Variants in RPRD2 observed in about 807,000 individuals in gnomAD.
The protein encoded by RPRD2 is regulation of nuclear pre-mRNA domain containing 2.
In RPRD2, 12 loss-of-function variants were observed where a neutral mutation model predicts 104.4. The ratio of observed to expected loss-of-function variants is 0.11; its 90% confidence interval spans 0.07 to 0.19. The LOEUF (loss-of-function observed/expected upper bound fraction) is 0.19. RPRD2 is among the 10% of genes least tolerant of loss of function. The probability of loss-of-function intolerance (pLI) is 1.00; values close to 1 mark genes in which losing one functional copy is unlikely to be tolerated. For missense variants in RPRD2, 1,543 were observed against 1,790.1 expected (o/e 0.86, Z 2.49); for synonymous variants, 714 against 684.9 (o/e 1.04, Z -0.66).
intron 1 of RPRD2, among the ~76,000 whole-genome samples, chr1:150,389,148 C>T (rs1178244146): frequency 6.6e-6 from 1 of 152,054 alleles, no homozygotes; most frequent in Non-Finnish European, 1.5e-5. Flanking sequence ...GCAATCCTCC[C>T]ACCTCAGACT....
chr1:150,406,994 C>T (rs935164092), intron 1 of RPRD2, among the ~76,000 whole-genome samples: 2 of 152,320 alleles, frequency 1.3e-5, no homozygotes, highest in Admixed American at 1.3e-4. Context: ...GGATTACAGG[C>T]GTGAGCCACC....
At chr1:150,432,217 C>T (rs1665653177) in intron 2 of RPRD2, among the ~76,000 whole-genome samples, 2 of 146,670 alleles carry the variant, frequency 1.4e-5, no homozygotes, top group South Asian at 4.4e-4. Context: ...ATAAATGCTA[C>T]AAAATGGTTG....
chr1:150,399,527 C>T (rs1223666269), intron 1 of RPRD2, among the ~76,000 whole-genome samples: 4 of 151,958 alleles, frequency 2.6e-5, no homozygotes, highest in Admixed American at 6.6e-5. Context: ...GAGGCTGAGG[C>T]GGGTGGATCA....
intron 1 of RPRD2, among the ~76,000 whole-genome samples, chr1:150,389,861 A>G (rs1661928155): frequency 6.6e-6 from 1 of 152,188 alleles, no homozygotes; most frequent in Non-Finnish European, 1.5e-5. Context: ...GCTTGTGAGC[A>G]AACAAGACTG....
At position 150,475,376 on chromosome 1, in the gene RPRD2, AAGCTAAAAGT is replaced by A. The variant is rs1421853083; in HGVS notation, c.*2045_*2054del. On this transcript the variant is annotated 3_prime_UTR_variant, in exon 11 of 11. Transcript: ENST00000369068. ...TGAATTCTCTTTGCTGCTCTTGTTT[AAGCTAAAAGT>A]AGTGTTTACTTGATAAGGCTCTCTG... 78 of 152,538 alleles carry A rather than the reference AAGCTAAAAGT, an allele frequency of 5.1e-4. No homozygotes were observed. Among genetic ancestry groups the A allele is most frequent in the African/African-American group, 1.9e-3 (77 of 41,530 alleles). 9.4% of individuals were successfully genotyped at this position (152,538 alleles called of 1,614,324 possible). A position where few individuals can be genotyped will look rare whatever the true frequency, so the allele number is the denominator to read the frequency against.
intron 2 of RPRD2, among the ~76,000 whole-genome samples, chr1:150,431,472 G>GTTTTTTTTTTTTTTTTTTTTTTTTT (rs1553891696): frequency 1.5e-5 from 1 of 65,758 alleles, no homozygotes; most frequent in African/African-American, 6.6e-5. Flanking sequence ...AAAAAGGAAG[G>GTTTTTTTTTTTTTTTTTTTTTTTTT]ATTTTTTTTT....
intron 2 of RPRD2, among the ~76,000 whole-genome samples, chr1:150,435,019 T>G (rs1230323107): frequency 6.6e-6 from 1 of 152,204 alleles, no homozygotes. Flanking sequence ...ATTGGTGCTA[T>G]TTTTCCAACA....
intron 1 of RPRD2, among the ~76,000 whole-genome samples, chr1:150,378,753 C>T (rs182537119): frequency 1.0e-3 from 156 of 152,072 alleles, no homozygotes; most frequent in African/African-American, 3.6e-3. Flanking sequence ...GAGGCCAAGG[C>T]GGGTGGATCA....
rs587756324 is a variant in RPRD2, at chr1:150,462,193, A to C, written c.1411+1876A>C. Among the ~76,000 whole-genome samples the C allele has an allele frequency of 8.6e-5, 13 of 152,030 alleles. No homozygotes were observed. In the South Asian group the frequency reaches 2.7e-3, roughly 32 times the overall value. Reference sequence around the variant, plus strand: ...GCTACTTGGGAGGCTGAGGCAGGACAATCACTTGAACCTGGGAGGCGGGGG... The same window carrying C: ...GCTACTTGGGAGGCTGAGGCAGGACCATCACTTGAACCTGGGAGGCGGGGG... On this transcript the variant is annotated intron_variant, in intron 9 of 10. Transcript: ENST00000369068.
In RPRD2 at chr1:150,446,418, G is replaced by GCTGTCTTATA. The variant is rs782096911; in HGVS notation, c.870+21_870+30dup. 3.8e-6 allele frequency: 6 copies of GCTGTCTTATA among 1,568,574 alleles called. No individual in the cohort carries two copies. In the South Asian group the frequency reaches 7.0e-5, roughly 18 times the overall value. On this transcript the variant is annotated intron_variant, in intron 7 of 10. Coordinates refer to ENST00000369068, the MANE Select transcript of RPRD2 (RefSeq NM_015203.5). ...GTGGCTAATGTAAGTAATAATTAAA[G>GCTGTCTTATA]CTGTCTTATACTGAATGCTTGTTAC... is the stretch of plus-strand genomic sequence containing the variant.
chr1:150,364,753 C>CTCCTCGTCGGCCTCT lies in RPRD2; in HGVS notation c.42_56dup (p.Ser15_Ser19dup). 6.3e-7 allele frequency: 1 copy of CTCCTCGTCGGCCTCT among 1,599,296 alleles called. No individual in the cohort carries two copies. The highest frequency in any genetic ancestry group is 8.5e-7 in the Non-Finnish European group (1 of 1,172,764). On this transcript the variant is annotated inframe_insertion, in exon 1 of 11. Coordinates refer to ENST00000369068, the MANE Select transcript of RPRD2 (RefSeq NM_015203.5). ...GCGGCGGAGGCAGCAGTAAGGCCTC[C>CTCCTCGTCGGCCTCT]TCCTCGTCGGCCTCTTCGGCAGGGG... is the stretch of plus-strand genomic sequence containing the variant.
chr1:150,379,387 GTTTAT>G (rs1156524016), intron 1 of RPRD2, among the ~76,000 whole-genome samples: 1 of 151,850 alleles, frequency 6.6e-6, no homozygotes, highest in Non-Finnish European at 1.5e-5. Flanking sequence ...TTTAATTTCT[GTTTAT>G]TTTATTTTTA....
chr1:150,462,761 T>A (rs1023329866), intron 9 of RPRD2, among the ~76,000 whole-genome samples: 6 of 152,160 alleles, frequency 3.9e-5, no homozygotes. Flanking sequence ...TTTACCATGT[T>A]AGCCAGGATG....
intron 1 of RPRD2, among the ~76,000 whole-genome samples, chr1:150,407,692 A>G (rs587762414): frequency 1.3e-5 from 2 of 152,326 alleles, no homozygotes; most frequent in Admixed American, 1.3e-4. Context: ...TCAACAAAGC[A>G]ACTAAGTGAT....
chr1:150,384,450 C>CATCATTATTATTATTATT (rs1553881396), intron 1 of RPRD2, among the ~76,000 whole-genome samples: 2 of 132,356 alleles, frequency 1.5e-5, no homozygotes, highest in Admixed American at 1.6e-4. Flanking sequence ...GCATCATCAT[C>CATCATTATTATTATTATT]ATTATTATTA....
chr1:150,403,110 C>T (rs142008128), intron 1 of RPRD2, among the ~76,000 whole-genome samples: 18 of 152,212 alleles, frequency 1.2e-4, no homozygotes, highest in African/African-American at 4.3e-4. Flanking sequence ...ATAAATGTAC[C>T]AACCTAAGTA....
intron 4 of RPRD2, among the ~76,000 whole-genome samples, chr1:150,442,228 A>G (rs1371428946): frequency 6.6e-6 from 1 of 152,174 alleles, no homozygotes; most frequent in Non-Finnish European, 1.5e-5. Context: ...GGGGATTGCA[A>G]GAAGAAAAAA....
chr1:150,436,130 G>GAA (rs587754906), intron 2 of RPRD2, among the ~76,000 whole-genome samples: 33 of 129,656 alleles, frequency 2.5e-4, no homozygotes, highest in Non-Finnish European at 3.3e-4. Context: ...CTTGTTCAGG[G>GAA]AAAAAAAAAA....
At chr1:150,383,586 G>A (rs1356361083) in intron 1 of RPRD2, among the ~76,000 whole-genome samples, 1 of 151,996 alleles carries the variant, frequency 6.6e-6, no homozygotes, top group South Asian at 2.1e-4. Flanking sequence ...CAACTTGCTG[G>A]GATTACAGGT....
Sources: gnomAD v4.1 joint callset for allele counts (sites outside exome capture counted in the v4.1 genomes callset) on GRCh38, gnomAD v4.1.1 for gene constraint, MANE v1.5 for transcripts, NCBI Gene and HGNC (gene_info 2026-07-23, HGNC 2026-07-21) for gene names.